IQGAP2: variants seen among roughly 807,000 people sequenced by gnomAD.
The protein encoded by IQGAP2 is ras GTPase-activating-like protein IQGAP2.
Under a neutral mutation model 201.3 loss-of-function variants are expected in IQGAP2, and 173 were observed. That is an observed-to-expected ratio of 0.86 (90% CI 0.76 to 0.98). The LOEUF (loss-of-function observed/expected upper bound fraction) is 0.98, where lower values mean the gene tolerates loss of function less well. IQGAP2 is among the 50% of genes least tolerant of loss of function. The probability of loss-of-function intolerance (pLI) is 0.00; values close to 1 mark genes in which losing one functional copy is unlikely to be tolerated. For synonymous variants in IQGAP2, 675 were observed against 673.9 expected (o/e 1.00, Z -0.03); for missense variants, 1,687 against 1,864.8 (o/e 0.90, Z 1.76).
In IQGAP2 at chr5:76,707,128, A is replaced by C. The variant is rs1747974140; in HGVS notation, c.4615-72A>C. 6.3e-6 allele frequency: 5 copies of C among 787,650 alleles called. No homozygotes were observed. The South Asian group carries it at 7.4e-5, about 12-fold the overall frequency. The allele number at this position is 787,650 out of a possible 1,614,324, so 48.8% of individuals were successfully genotyped here. A position where few individuals can be genotyped will look rare whatever the true frequency, so the allele number is the denominator to read the frequency against. On this transcript the variant is annotated intron_variant, in intron 35 of 35. Transcript: ENST00000274364. Reference sequence around the variant, plus strand: ...AATTGAATCTGACTTTTGTCAACAAATTCTTCTAATATGTTTTTTAAATGC... The same window carrying C: ...AATTGAATCTGACTTTTGTCAACAACTTCTTCTAATATGTTTTTTAAATGC...
intron 1 of IQGAP2, among the ~76,000 whole-genome samples, chr5:76,454,626 C>T (rs1464912296): frequency 4.0e-5 from 6 of 151,822 alleles, no homozygotes; most frequent in African/African-American, 1.5e-4. Context: ...ATGAACTCAT[C>T]ATTTTTTATG....
chr5:76,543,061 G>T (rs576679396), intron 2 of IQGAP2, among the ~76,000 whole-genome samples: 1 of 152,270 alleles, frequency 6.6e-6, no homozygotes, highest in Middle Eastern at 3.4e-3. Context: ...ATAATTGGCC[G>T]CTTCAGATCC....
chr5:76,477,814 A>G (rs1390786803), intron 2 of IQGAP2, among the ~76,000 whole-genome samples: 1 of 152,122 alleles, frequency 6.6e-6, no homozygotes, highest in East Asian at 1.9e-4. Flanking sequence ...ATCCTGACTC[A>G]TGTGGGATCT....
At chr5:76,468,144 A>G (rs897915013) in intron 2 of IQGAP2, among the ~76,000 whole-genome samples, 1 of 152,238 alleles carries the variant, frequency 6.6e-6, no homozygotes, top group Admixed American at 6.5e-5. Context: ...TATTAAAGAT[A>G]ATTTCCTTAC....
intron 28 of IQGAP2, among the ~76,000 whole-genome samples, chr5:76,680,365 C>G (rs1373048041): frequency 6.6e-6 from 1 of 152,096 alleles, no homozygotes; most frequent in Admixed American, 6.6e-5. Context: ...GATGTAAGAG[C>G]TAAAACTATA....
At chr5:76,418,772 A>G (rs946203204) in intron 1 of IQGAP2, among the ~76,000 whole-genome samples, 1 of 152,212 alleles carries the variant, frequency 6.6e-6, no homozygotes, top group Non-Finnish European at 1.5e-5. Flanking sequence ...CTGATGACAG[A>G]GATCCTCTCT....
At chr5:76,488,272 C>T (rs565756744) in intron 2 of IQGAP2, among the ~76,000 whole-genome samples, 1 of 152,314 alleles carries the variant, frequency 6.6e-6, no homozygotes, top group Non-Finnish European at 1.5e-5. Flanking sequence ...TTAGCTTACT[C>T]TTTGGCATCA....
intron 9 of IQGAP2, among the ~76,000 whole-genome samples, chr5:76,593,576 T>C (rs767768665): frequency 6.6e-6 from 1 of 152,216 alleles, no homozygotes; most frequent in Non-Finnish European, 1.5e-5. Flanking sequence ...ACATCAATTT[T>C]TTTATTAGTC....
chr5:76,459,815 AT>A (rs1754326309), intron 1 of IQGAP2, among the ~76,000 whole-genome samples: 1 of 151,866 alleles, frequency 6.6e-6, no homozygotes, highest in Non-Finnish European at 1.5e-5. Context: ...TAATTTTTGT[AT>A]TTTTAGTAGA....
chr5:76,509,558 A>AT (rs1202925411), intron 2 of IQGAP2, among the ~76,000 whole-genome samples: 7 of 150,728 alleles, frequency 4.6e-5, no homozygotes, highest in Admixed American at 1.3e-4. Flanking sequence ...TGCCCGGCTA[A>AT]TTTTTTTTTG....
intron 9 of IQGAP2, among the ~76,000 whole-genome samples, chr5:76,595,853 C>T (rs1746998601): frequency 6.6e-6 from 1 of 151,878 alleles, no homozygotes; most frequent in Non-Finnish European, 1.5e-5. Flanking sequence ...GCTGTACAAA[C>T]CCATATAATA....
chr5:76,420,714 A>G (rs10073382), intron 1 of IQGAP2, among the ~76,000 whole-genome samples: 60,101 of 152,080 alleles, frequency 0.4, 13,354 homozygotes, highest in East Asian at 0.52. Context: ...AACTCCATAC[A>G]CATTAAATAA....
At chr5:76,686,926 T>G (rs560707532) in intron 30 of IQGAP2, among the ~76,000 whole-genome samples, 1 of 152,356 alleles carries the variant, frequency 6.6e-6, no homozygotes, top group African/African-American at 2.4e-5. Flanking sequence ...TGACAATACA[T>G]GTATGGCTTT....
chr5:76,617,644 G>A (rs1287835986), intron 13 of IQGAP2: 16 of 1,613,850 alleles, frequency 9.9e-6, no homozygotes, highest in African/African-American at 1.3e-5. Context: ...TAAAGGAATG[G>A]ATCTAAGCAA....
chr5:76,609,017 C>T (rs1748038755), intron 12 of IQGAP2: 3 of 1,337,776 alleles, frequency 2.2e-6, no homozygotes, highest in African/African-American at 1.5e-5. Context: ...TATTTATAAA[C>T]AGAGGAAGTG....
intron 13 of IQGAP2, among the ~76,000 whole-genome samples, chr5:76,621,626 A>T (rs1717160228): frequency 1.3e-5 from 2 of 152,342 alleles, no homozygotes; most frequent in South Asian, 4.1e-4. Flanking sequence ...ATTTAGCAAG[A>T]CATCATGCCT....
chr5:76,654,838 G>A, intron 19 of IQGAP2, 96 bp from the exon 20 acceptor site: 1 of 758,938 alleles, frequency 1.3e-6, no homozygotes, highest in Non-Finnish European at 2.3e-6. Context: ...AGTAGTGTCA[G>A]TTCTTAAATA....
chr5:76,414,702 A>C (rs141509751), intron 1 of IQGAP2, among the ~76,000 whole-genome samples: 1 of 152,298 alleles, frequency 6.6e-6, no homozygotes. Flanking sequence ...TTTTTCCTCC[A>C]TGAGAACCAG....
At chr5:76,597,145 C>A (rs754474540) in intron 9 of IQGAP2, 2 of 332,736 alleles carry the variant, frequency 6.0e-6, no homozygotes, top group Non-Finnish European at 1.1e-5. Context: ...AGAAATGAGA[C>A]CAGAGCTGGT....
Sources: allele counts gnomAD v4.1 joint callset (sites outside exome capture counted in the v4.1 genomes callset), GRCh38; gene constraint gnomAD v4.1.1; transcripts MANE v1.5; gene names NCBI Gene and HGNC (gene_info 2026-07-23, HGNC 2026-07-21).